The following SLC25A26 variants were observed in gnomAD, a reference collection of about 807,000 sequenced individuals.
SLC25A26 encodes solute carrier family 25 member 26, also known as mitochondrial S-adenosylmethionine carrier protein.
In SLC25A26, 36 loss-of-function variants were observed where a neutral mutation model predicts 37.8. That is an observed-to-expected ratio of 0.95 (90% confidence interval 0.73 to 1.26). The LOEUF (loss-of-function observed/expected upper bound fraction) is 1.26. Ranked by LOEUF, SLC25A26 falls within the 50% of genes most tolerant of loss-of-function variation. The probability of loss-of-function intolerance (pLI) is 0.00; values close to 1 mark genes in which losing one functional copy is unlikely to be tolerated. For missense variants in SLC25A26, 390 were observed against 331.1 expected (o/e 1.18, Z -1.38); for synonymous variants, 129 against 122.5 (o/e 1.05, Z -0.35).
chr3:66,335,106 A>G (rs1379600108), intron 5 of SLC25A26, among the ~76,000 whole-genome samples: 1 of 152,220 alleles, frequency 6.6e-6, no homozygotes, highest in Non-Finnish European at 1.5e-5. Context: ...AACTGGGGAA[A>G]AAAACAGTAA....
intron 5 of SLC25A26, among the ~76,000 whole-genome samples, chr3:66,310,464 G>A (rs768133279): frequency 2.0e-5 from 3 of 152,104 alleles, no homozygotes; most frequent in African/African-American, 4.8e-5. Context: ...TTGCCAGTCT[G>A]TTTCTTTTAA....
At chr3:66,308,016 G>GT (rs1001537373) in intron 5 of SLC25A26, among the ~76,000 whole-genome samples, 5 of 152,142 alleles carry the variant, frequency 3.3e-5, no homozygotes, top group East Asian at 3.9e-4. Flanking sequence ...ATTTAAAGTA[G>GT]TTTTTTTCTA....
At chr3:66,252,469 C>G (rs1402112909) in intron 3 of SLC25A26, among the ~76,000 whole-genome samples, 1 of 152,176 alleles carries the variant, frequency 6.6e-6, no homozygotes, top group Non-Finnish European at 1.5e-5. Context: ...AGATCGGGGT[C>G]AGATTTGTGA....
intron 1 of SLC25A26, among the ~76,000 whole-genome samples, chr3:66,173,266 T>C (rs957248159): frequency 6.6e-6 from 1 of 152,200 alleles, no homozygotes; most frequent in Non-Finnish European, 1.5e-5. Flanking sequence ...AGATTTGCCA[T>C]TCCTGGGTCA....
chr3:66,143,846 A>C (rs62245234), intron 1 of SLC25A26, among the ~76,000 whole-genome samples: 1 of 152,224 alleles, frequency 6.6e-6, no homozygotes, highest in East Asian at 1.9e-4. Flanking sequence ...GTGCCAGTGC[A>C]CTCCAGCCTG....
Position 66,151,366 on chromosome 3 carries a change from A to G in SLC25A26, c.-354+17382A>G, listed in dbSNP as rs369388305. On this transcript the variant is annotated intron_variant, in intron 1 of 10. Transcript: ENST00000676754. ...GGCAGGGAGTGGGGGAGATAAGAAC[A>G]AAAGGCATTGGGAGCCCAGCTCAGG... 1.2e-3 allele frequency among the ~76,000 whole-genome samples: 190 copies of G among 152,314 alleles called. 1 individual carries two copies. In the South Asian group the frequency reaches 0.015, roughly 12 times the overall value.
chr3:66,258,075 C>G (rs2073375910), intron 3 of SLC25A26, among the ~76,000 whole-genome samples: 1 of 152,194 alleles, frequency 6.6e-6, no homozygotes, highest in Non-Finnish European at 1.5e-5. Context: ...CCTTCCACTT[C>G]TCCTTTGCCC....
intron 6 of SLC25A26, among the ~76,000 whole-genome samples, chr3:66,347,771 A>G (rs2076359696): frequency 6.6e-6 from 1 of 152,236 alleles, no homozygotes; most frequent in Admixed American, 6.5e-5. Context: ...TGGTACATAC[A>G]CACCACGGAA....
chr3:66,269,206 C>T (rs577474787), intron 5 of SLC25A26, among the ~76,000 whole-genome samples: 1 of 152,190 alleles, frequency 6.6e-6, no homozygotes, highest in Non-Finnish European at 1.5e-5. Context: ...AGCAGTATAG[C>T]CTGCTAGGAG....
At chr3:66,146,813 A>G (rs1420510451) in intron 1 of SLC25A26, among the ~76,000 whole-genome samples, 1 of 152,116 alleles carries the variant, frequency 6.6e-6, no homozygotes, top group Non-Finnish European at 1.5e-5. Flanking sequence ...CTCACTATGT[A>G]GTCTTTTATC....
intron 6 of SLC25A26, among the ~76,000 whole-genome samples, chr3:66,353,179 T>C (rs529233355): frequency 5.3e-5 from 8 of 152,304 alleles, no homozygotes; most frequent in Admixed American, 3.9e-4. Flanking sequence ...TGAGCACCTT[T>C]TACTGTGTGC....
At chr3:66,139,487 A>G (rs1176291626) in intron 1 of SLC25A26, among the ~76,000 whole-genome samples, 1 of 152,222 alleles carries the variant, frequency 6.6e-6, no homozygotes, top group South Asian at 2.1e-4. Flanking sequence ...TTCTTTGGGA[A>G]CAAGTTTCTT....
intron 5 of SLC25A26, among the ~76,000 whole-genome samples, chr3:66,265,825 G>C (rs931385327): frequency 1.3e-5 from 2 of 152,272 alleles, no homozygotes; most frequent in African/African-American, 4.8e-5. Context: ...TATTCACTCT[G>C]TACTTAGTTT....
intron 1 of SLC25A26, among the ~76,000 whole-genome samples, chr3:66,227,222 C>G (rs950287691): frequency 9.9e-5 from 15 of 152,140 alleles, no homozygotes; most frequent in African/African-American, 3.6e-4. Context: ...TTTGCTCTCA[C>G]TTATTTTTTC....
Position 66,279,994 on chromosome 3 carries a change from T to G in SLC25A26, c.453+16615T>G, listed in dbSNP as rs77568117. 3.2e-3 allele frequency among the ~76,000 whole-genome samples: 485 copies of G among 152,362 alleles called. 3 individuals are homozygous for G. The highest frequency in any genetic ancestry group is 0.011 in the African/African-American group (465 of 41,586). On this transcript the variant is annotated intron_variant, in intron 5 of 9. Transcript: ENST00000354883. ...ATACCAATAGTATCTGTGTTCACAG[T>G]CAGCTATGCTATGTTTCATGTTGAC... is the stretch of plus-strand genomic sequence containing the variant.
chr3:66,377,666 TA>T, intron 9 of SLC25A26, 23 bp from the exon 10 acceptor site: 1 of 1,583,648 alleles, frequency 6.3e-7, no homozygotes, highest in Non-Finnish European at 8.7e-7. Flanking sequence ...CGCACAACAT[TA>T]AAAATCCTGT....
At chr3:66,161,547 C>T (rs937029631) in intron 1 of SLC25A26, among the ~76,000 whole-genome samples, 1 of 152,196 alleles carries the variant, frequency 6.6e-6, no homozygotes, top group Non-Finnish European at 1.5e-5. Flanking sequence ...GAATCTGTGA[C>T]TGCGTAGGTC....
intron 1 of SLC25A26, among the ~76,000 whole-genome samples, chr3:66,143,788 G>A (rs2070073137): frequency 1.3e-5 from 2 of 152,292 alleles, no homozygotes; most frequent in African/African-American, 4.8e-5. Flanking sequence ...GGCTGAGATA[G>A]GAGGGTTGCT....
At chr3:66,141,334 T>C (rs1424093012) in intron 1 of SLC25A26, among the ~76,000 whole-genome samples, 1 of 151,756 alleles carries the variant, frequency 6.6e-6, no homozygotes, top group Admixed American at 6.6e-5. Context: ...TCAAGAAATA[T>C]GTCTGCCTCA....
Sources: allele counts gnomAD v4.1 joint callset (sites outside exome capture counted in the v4.1 genomes callset), GRCh38; gene constraint gnomAD v4.1.1; transcripts MANE v1.5; gene names NCBI Gene and HGNC (gene_info 2026-07-23, HGNC 2026-07-21).